TMEM41B: variants seen among roughly 807,000 people sequenced by gnomAD.
TMEM41B encodes the protein protein stasimon.
In TMEM41B, 18 loss-of-function variants were observed where a neutral mutation model predicts 31.9. The ratio of observed to expected loss-of-function variants is 0.56; its 90% CI spans 0.39 to 0.84. The LOEUF is 0.84. Ranked by LOEUF, TMEM41B falls within the 40% of genes least tolerant of loss-of-function variation. The pLI is 0.00. For synonymous variants in TMEM41B, 144 were observed against 124.3 expected, an observed-to-expected ratio of 1.16 and a Z score of -1.05; for missense variants, 322 against 348.0, an observed-to-expected ratio of 0.93 and a Z score of 0.59.
chr11:9,293,395 A>C (rs953735085), intron 3 of TMEM41B, among the ~76,000 whole-genome samples: 2 of 152,022 alleles, frequency 1.3e-5, no homozygotes, highest in Admixed American at 1.3e-4. Context: ...GAGCCACTAC[A>C]CCCGGCCAAT....
chr11:9,293,093 A>G (rs1852996501), intron 3 of TMEM41B, among the ~76,000 whole-genome samples: 1 of 152,084 alleles, frequency 6.6e-6, no homozygotes, highest in African/African-American at 2.4e-5. Context: ...CTCTCTCCCT[A>G]CAGGTAAACA....
At chr11:9,310,400 A>AC (rs397817123) in intron 1 of TMEM41B, among the ~76,000 whole-genome samples, 7 of 151,686 alleles carry the variant, frequency 4.6e-5, no homozygotes, top group Non-Finnish European at 7.4e-5. Flanking sequence ...ACAAAAAAAA[A>AC]CCAGCATTTA....
At chr11:9,295,089 A>C in intron 3 of TMEM41B, 170 bp downstream of exon 3, 1 of 916,988 alleles carries the variant, frequency 1.1e-6, no homozygotes, top group Non-Finnish European at 1.4e-6. Flanking sequence ...TAGTTCAGCA[A>C]ATAGGATTAA....
rs1360077744 is a variant in TMEM41B, at chr11:9,287,821, A to C, written c.463-15T>G. On this transcript the variant is annotated splice_polypyrimidine_tract_variant and intron_variant, in intron 4 of 6. Coordinates refer to ENST00000528080, the MANE Select transcript of TMEM41B (RefSeq NM_015012.4). ...AGTCCAGAACACTGGAAAACAAAAGAAGCCATAAGCGTTTTGTATTTTTCC... is the reference window on the plus strand; with the variant it reads ...AGTCCAGAACACTGGAAAACAAAAGCAGCCATAAGCGTTTTGTATTTTTCC... 1.9e-6 allele frequency: 3 copies of C among 1,572,610 alleles called. No individual in the cohort carries two copies. Among genetic ancestry groups the C allele is most frequent in the Non-Finnish European group, 1.7e-6 (2 of 1,150,028 alleles).
At chr11:9,293,845 G>C (rs1853014242) in intron 3 of TMEM41B, among the ~76,000 whole-genome samples, 2 of 152,120 alleles carry the variant, frequency 1.3e-5, no homozygotes, top group African/African-American at 2.4e-5. Context: ...GGCTCCCAAA[G>C]TGCTGGTGTT....
intron 3 of TMEM41B, among the ~76,000 whole-genome samples, chr11:9,291,149 G>T (rs765266615): frequency 9.2e-5 from 14 of 151,848 alleles, no homozygotes; most frequent in Non-Finnish European, 1.5e-4. Context: ...GGCTGGGCGC[G>T]GTGGCTCATA....
Position 9,282,241 on chromosome 11 carries a change from G to A in TMEM41B, c.*1183C>T, listed in dbSNP as rs4910446. ...AAAAACACAAAAATTAGCTGGGCAC[G>A]GTGGCACACACCTGTAATCCCAGCT... On this transcript the variant is annotated 3_prime_UTR_variant, in exon 7 of 7. Transcript: ENST00000528080. The A allele has an allele frequency of 0.16, 24,436 of 151,858 alleles. 2,260 individuals carry two copies. Among genetic ancestry groups the A allele is most frequent in the Non-Finnish European group, 0.21 (14,287 of 68,042 alleles). 9.4% of individuals were successfully genotyped at this position (151,858 alleles called of 1,614,324 possible).
At chr11:9,284,012 G>A (rs1484604025) in intron 6 of TMEM41B, among the ~76,000 whole-genome samples, 5 of 151,888 alleles carry the variant, frequency 3.3e-5, no homozygotes, top group South Asian at 2.1e-4. Flanking sequence ...TCAAACTCCC[G>A]ACCTCAGATG....
chr11:9,284,957 TA>T (rs976795400), intron 6 of TMEM41B, among the ~76,000 whole-genome samples: 14 of 152,100 alleles, frequency 9.2e-5, no homozygotes, highest in Admixed American at 3.3e-4. Flanking sequence ...CTTTCACCTA[TA>T]AAATGGAGAT....
At chr11:9,284,913 C>T (rs1274394838) in intron 6 of TMEM41B, among the ~76,000 whole-genome samples, 4 of 152,128 alleles carry the variant, frequency 2.6e-5, no homozygotes, top group Non-Finnish European at 5.9e-5. Context: ...AAATAAATTA[C>T]TTTGGCCAAA....
chr11:9,305,309 T>TA lies in TMEM41B; in HGVS notation c.122-5609dup, dbSNP rs754908932. 3.9e-5 allele frequency among the ~76,000 whole-genome samples: 6 copies of TA among 152,090 alleles called. No homozygotes were observed. The South Asian group carries it at 1.2e-3, about 32-fold the overall frequency. On this transcript the variant is annotated intron_variant, in intron 1 of 6. Coordinates refer to ENST00000528080, the MANE Select transcript of TMEM41B (RefSeq NM_015012.4). ...TCAGGATGTCCATTATGATAATTTA[T>TA]AATTATAGGCCAGGTGTCGTGGCTC... is the stretch of plus-strand genomic sequence containing the variant.
At chr11:9,311,077 C>A (rs1019544412) in intron 1 of TMEM41B, among the ~76,000 whole-genome samples, 1 of 152,116 alleles carries the variant, frequency 6.6e-6, no homozygotes, top group Non-Finnish European at 1.5e-5. Context: ...ATGATCTATC[C>A]AAGCAACAAC....
chr11:9,300,833 G>A (rs772625708), intron 1 of TMEM41B, among the ~76,000 whole-genome samples: 16 of 151,254 alleles, frequency 1.1e-4, no homozygotes, highest in Non-Finnish European at 1.6e-4. Flanking sequence ...TGCTGAGATC[G>A]CACCACTGCA....
chr11:9,287,913 G>A (rs1407329703), intron 4 of TMEM41B, 107 bp from the exon 5 acceptor site: 9 of 812,538 alleles, frequency 1.1e-5, no homozygotes, highest in Non-Finnish European at 1.8e-5. Flanking sequence ...TCAGAGGTGG[G>A]GAGGGTACTC....
chr11:9,306,456 T>G (rs947811865), intron 1 of TMEM41B, among the ~76,000 whole-genome samples: 2 of 151,078 alleles, frequency 1.3e-5, no homozygotes, highest in South Asian at 4.2e-4. Flanking sequence ...GTCGAGGCGG[T>G]CGGATCATGA....
intron 3 of TMEM41B, among the ~76,000 whole-genome samples, chr11:9,291,923 G>C (rs995055668): frequency 2.0e-5 from 3 of 152,020 alleles, no homozygotes; most frequent in Admixed American, 2.0e-4. Flanking sequence ...GGTCAGGTTG[G>C]TCTTGAACTC....
In TMEM41B at chr11:9,314,554, A is replaced by C; in HGVS notation, c.-113T>G. The C allele has an allele frequency of 1.4e-6, 2 of 1,397,412 alleles. No individual in the cohort carries two copies. The highest frequency in any genetic ancestry group is 1.9e-6 in the Non-Finnish European group (2 of 1,063,164). The allele number at this position is 1,397,412 out of a possible 1,614,324, so 86.6% of individuals were successfully genotyped here. ...CACGGCTAGAGCCACTTCCGGCGCG[A>C]CCTCCTCACCCGAGACGACCTCAGC... On this transcript the variant is annotated 5_prime_UTR_variant, in exon 1 of 7. Transcript: ENST00000528080.
chr11:9,287,284 C>T (rs1852857822), intron 5 of TMEM41B, among the ~76,000 whole-genome samples: 1 of 152,098 alleles, frequency 6.6e-6, no homozygotes, highest in South Asian at 2.1e-4. Context: ...GCACTCCAGC[C>T]TGGGTGACAG....
intron 1 of TMEM41B, among the ~76,000 whole-genome samples, chr11:9,310,709 A>AGAGCTG (rs1853539443): frequency 7.4e-6 from 1 of 134,642 alleles, no homozygotes; most frequent in South Asian, 2.5e-4. Context: ...ATTTGGACTG[A>AGAGCTG]GAGCTGGAGA....
Sources: gnomAD v4.1 joint callset for allele counts (sites outside exome capture counted in the v4.1 genomes callset) on GRCh38, gnomAD v4.1.1 for gene constraint, MANE v1.5 for transcripts, NCBI Gene and HGNC (gene_info 2026-07-23, HGNC 2026-07-21) for gene names.